TNFRSF21: variants seen among roughly 807,000 people sequenced by gnomAD.
TNFRSF21 encodes the protein tumor necrosis factor receptor superfamily member 21.
TNFRSF21 carries 19 observed loss-of-function variants against 45.6 expected under a neutral mutation model. The observed-to-expected ratio is 0.42, with a 90% confidence interval of 0.29 to 0.61. TNFRSF21 has a LOEUF of 0.61. TNFRSF21 is among the 20% of genes least tolerant of loss of function. The probability of loss-of-function intolerance (pLI) is 0.23; values close to 1 mark genes in which losing one functional copy is unlikely to be tolerated. For synonymous variants in TNFRSF21, 314 were observed against 335.5 expected (o/e 0.94, Z 0.70); for missense variants, 737 against 851.5 (o/e 0.87, Z 1.67).
intron 3 of TNFRSF21, among the ~76,000 whole-genome samples, chr6:47,281,862 A>T (rs1166348528): frequency 6.6e-6 from 1 of 151,674 alleles, no homozygotes; most frequent in African/African-American, 2.4e-5. Context: ...AAGAAGGGGG[A>T]ATTGAAGCTT....
chr6:47,234,156 TA>T (rs1441371460), intron 5 of TNFRSF21, among the ~76,000 whole-genome samples: 2 of 152,102 alleles, frequency 1.3e-5, no homozygotes, highest in Non-Finnish European at 2.9e-5. Context: ...TCTTTTTTTT[TA>T]GTAGAGATGG....
chr6:47,261,097 C>A (rs903835189), intron 3 of TNFRSF21, among the ~76,000 whole-genome samples: 1 of 152,150 alleles, frequency 6.6e-6, no homozygotes, highest in African/African-American at 2.4e-5. Context: ...TCTAACACCC[C>A]CCCAAACCTC....
chr6:47,235,217 G>A (rs1231640047), intron 4 of TNFRSF21, among the ~76,000 whole-genome samples: 1 of 152,164 alleles, frequency 6.6e-6, no homozygotes, highest in Non-Finnish European at 1.5e-5. Flanking sequence ...AGAGCTGAAA[G>A]GAGTCTTAGA....
intron 1 of TNFRSF21, among the ~76,000 whole-genome samples, chr6:47,287,498 CTCTT>C (rs1206075580): frequency 6.6e-6 from 1 of 151,626 alleles, no homozygotes; most frequent in African/African-American, 2.4e-5. Flanking sequence ...AAAAAATGTA[CTCTT>C]TCTATTTAAG....
At chr6:47,276,232 A>AT (rs965598325) in intron 3 of TNFRSF21, among the ~76,000 whole-genome samples, 10 of 152,210 alleles carry the variant, frequency 6.6e-5, no homozygotes, top group Admixed American at 2.6e-4. Flanking sequence ...AGGTGGACCC[A>AT]TACATAAGAT....
At chr6:47,301,569 G>A (rs1333649681) in intron 1 of TNFRSF21, among the ~76,000 whole-genome samples, 5 of 152,216 alleles carry the variant, frequency 3.3e-5, no homozygotes, top group African/African-American at 7.2e-5. Context: ...TTTGGGTCAT[G>A]AGGTGGATCT....
At chr6:47,258,672 C>G (rs1283882933) in intron 3 of TNFRSF21, among the ~76,000 whole-genome samples, 1 of 152,104 alleles carries the variant, frequency 6.6e-6, no homozygotes, top group African/African-American at 2.4e-5. Flanking sequence ...CTCCTGACCT[C>G]AAGTGATCTG....
At chr6:47,285,483 C>T (rs538567732) in intron 2 of TNFRSF21, among the ~76,000 whole-genome samples, 107 of 152,284 alleles carry the variant, frequency 7.0e-4, no homozygotes, top group Non-Finnish European at 1.3e-3. Flanking sequence ...ATTCATCTCT[C>T]GCTTCCGGAT....
At chr6:47,284,977 G>A (rs1162205411) in intron 2 of TNFRSF21, among the ~76,000 whole-genome samples, 2 of 152,298 alleles carry the variant, frequency 1.3e-5, no homozygotes, top group East Asian at 3.9e-4. Context: ...GATTTGGGCT[G>A]GCAGCTTAGC....
chr6:47,262,478 A>C (rs771661502), intron 3 of TNFRSF21, among the ~76,000 whole-genome samples: 2 of 152,256 alleles, frequency 1.3e-5, no homozygotes, highest in Non-Finnish European at 2.9e-5. Context: ...TGCCAAGTGA[A>C]ACAAAATCCC....
chr6:47,237,000 G>T (rs1205701620), intron 4 of TNFRSF21, among the ~76,000 whole-genome samples: 1 of 151,992 alleles, frequency 6.6e-6, no homozygotes, highest in African/African-American at 2.4e-5. Flanking sequence ...TTCACCAAAA[G>T]GTCCTATTAG....
intron 3 of TNFRSF21, among the ~76,000 whole-genome samples, chr6:47,271,326 C>T (rs1011646699): frequency 2.6e-5 from 4 of 152,164 alleles, no homozygotes; most frequent in Admixed American, 1.3e-4. Flanking sequence ...TTGGCAGAAA[C>T]CCTATAAGCC....
chr6:47,234,593 T>C, intron 5 of TNFRSF21, 77 bp downstream of exon 5: 2 of 1,191,748 alleles, frequency 1.7e-6, no homozygotes, highest in East Asian at 2.6e-5. Context: ...AACTGGACTG[T>C]GGACGGGGAG....
chr6:47,274,241 A>G (rs1465361226), intron 3 of TNFRSF21, among the ~76,000 whole-genome samples: 1 of 152,200 alleles, frequency 6.6e-6, no homozygotes, highest in East Asian at 1.9e-4. Flanking sequence ...AAACTATACT[A>G]CAAGGCTATA....
chr6:47,294,013 C>T (rs1429672533), intron 1 of TNFRSF21, among the ~76,000 whole-genome samples: 1 of 152,210 alleles, frequency 6.6e-6, no homozygotes, highest in African/African-American at 2.4e-5. Context: ...AAGGACCCAA[C>T]TCATGGTAAT....
intron 1 of TNFRSF21, among the ~76,000 whole-genome samples, chr6:47,303,600 C>G (rs1384971369): frequency 6.6e-6 from 1 of 152,170 alleles, no homozygotes; most frequent in Non-Finnish European, 1.5e-5. Flanking sequence ...TGCTTTGAGT[C>G]AACAGCCTAA....
chr6:47,298,863 T>C (rs770423356), intron 1 of TNFRSF21, among the ~76,000 whole-genome samples: 1 of 152,330 alleles, frequency 6.6e-6, no homozygotes, highest in African/African-American at 2.4e-5. Flanking sequence ...AATATTAACC[T>C]ACTGAGGGCT....
intron 1 of TNFRSF21, among the ~76,000 whole-genome samples, chr6:47,306,156 C>A (rs909099912): frequency 3.3e-5 from 5 of 152,180 alleles, no homozygotes; most frequent in Non-Finnish European, 7.3e-5. Context: ...ACTTTTGAAC[C>A]CAGCTCTTGT....
intron 3 of TNFRSF21, among the ~76,000 whole-genome samples, chr6:47,255,324 GCGT>G (rs1764969865): frequency 6.6e-6 from 1 of 152,184 alleles, no homozygotes; most frequent in South Asian, 2.1e-4. Flanking sequence ...TCTGTTTATG[GCGT>G]CTTCTCTCTG....
Sources: allele counts gnomAD v4.1 joint callset (sites outside exome capture counted in the v4.1 genomes callset), GRCh38; gene constraint gnomAD v4.1.1; transcripts MANE v1.5; gene names NCBI Gene and HGNC (gene_info 2026-07-23, HGNC 2026-07-21).